Variants in MACO1 observed in about 807,000 individuals in gnomAD.
The protein encoded by MACO1 is macoilin.
Under a neutral mutation model 78.7 loss-of-function variants are expected in MACO1, and 14 were observed. The observed-to-expected ratio is 0.18, with a 90% confidence interval of 0.12 to 0.28. The LOEUF (loss-of-function observed/expected upper bound fraction) is 0.28. MACO1 is among the 10% of genes least tolerant of loss of function. The pLI, the probability that MACO1 is intolerant of heterozygous loss-of-function variation, is 1.00. For missense variants in MACO1, 501 were observed against 799.0 expected (o/e 0.63, Z 4.50); for synonymous variants, 288 against 291.6 (o/e 0.99, Z 0.12).
At chr1:25,455,845 T>C (rs973692068) in intron 4 of MACO1, among the ~76,000 whole-genome samples, 1 of 152,194 alleles carries the variant, frequency 6.6e-6, no homozygotes, top group South Asian at 2.1e-4. Context: ...AAGATTAAAT[T>C]AGTCACCTGA....
At chr1:25,431,734 T>G (rs1005403536) in intron 1 of MACO1, among the ~76,000 whole-genome samples, 1 of 152,098 alleles carries the variant, frequency 6.6e-6, no homozygotes, top group South Asian at 2.1e-4. Flanking sequence ...ACCTTCTGCT[T>G]CCCATATGGG....
At chr1:25,494,308 G>A (rs1203421805) in intron 10 of MACO1, among the ~76,000 whole-genome samples, 1 of 152,164 alleles carries the variant, frequency 6.6e-6, no homozygotes, top group Non-Finnish European at 1.5e-5. Flanking sequence ...TGAAGGAGGG[G>A]GCATTGAGTG....
chr1:25,487,140 T>G (rs1405066341), intron 8 of MACO1, among the ~76,000 whole-genome samples: 1 of 152,130 alleles, frequency 6.6e-6, no homozygotes, highest in Non-Finnish European at 1.5e-5. Flanking sequence ...AGTCCTTGTT[T>G]TTCATAACTT....
At chr1:25,480,811 A>G (rs1349555703) in intron 6 of MACO1, among the ~76,000 whole-genome samples, 1 of 150,710 alleles carries the variant, frequency 6.6e-6, no homozygotes, top group Non-Finnish European at 1.5e-5. Context: ...GGCACCTGTA[A>G]TCCCGGCTAC....
At chr1:25,439,670 GTT>G (rs772788430) in intron 1 of MACO1, among the ~76,000 whole-genome samples, 5 of 135,864 alleles carry the variant, frequency 3.7e-5, no homozygotes, top group Non-Finnish European at 3.2e-5. Flanking sequence ...ACAAATTTCT[GTT>G]TTTTTTTTTT....
intron 1 of MACO1, among the ~76,000 whole-genome samples, chr1:25,440,719 G>T (rs1216723034): frequency 4.2e-5 from 6 of 143,272 alleles, no homozygotes; most frequent in African/African-American, 1.3e-4. Flanking sequence ...AGTGAGCCAA[G>T]ATTGCGCCAT....
chr1:25,454,716 A>C (rs2043104723), intron 4 of MACO1, among the ~76,000 whole-genome samples: 1 of 151,772 alleles, frequency 6.6e-6, no homozygotes, highest in African/African-American at 2.4e-5. Flanking sequence ...TCCTGACCTC[A>C]AGTGATCCAC....
rs532613255 is a variant in MACO1 at position 25,434,811 on chromosome 1, T to C, written c.80+3633T>C. On this transcript the variant is annotated intron_variant, in intron 1 of 10. Transcript: ENST00000374343. ...GCTGGGTTCTCTCCTTGTGTCTGCC[T>C]AGACACATGTGCACCAGACACTCCC... Among the ~76,000 whole-genome samples, 22 of 152,302 alleles carry C rather than the reference T, an allele frequency of 1.4e-4. No individual in the cohort carries two copies. In the South Asian group the frequency reaches 4.6e-3, roughly 32 times the overall value.
At chr1:25,469,658 A>G (rs1411973251) in intron 6 of MACO1, among the ~76,000 whole-genome samples, 1 of 128,732 alleles carries the variant, frequency 7.8e-6, no homozygotes, top group Non-Finnish European at 1.6e-5. Flanking sequence ...TTTTTTTGAG[A>G]CAGAGTCCTG....
chr1:25,442,668 T>C (rs2042982534), intron 1 of MACO1, among the ~76,000 whole-genome samples: 1 of 151,742 alleles, frequency 6.6e-6, no homozygotes, highest in African/African-American at 2.4e-5. Context: ...GCTAAATGGA[T>C]TGAGGTAAAA....
chr1:25,492,516 G>C (rs1159597997), intron 10 of MACO1, among the ~76,000 whole-genome samples: 2 of 152,170 alleles, frequency 1.3e-5, no homozygotes, highest in South Asian at 2.1e-4. Flanking sequence ...AAGCCCGGCA[G>C]GGGGAGCGTG....
intron 3 of MACO1, among the ~76,000 whole-genome samples, chr1:25,450,567 T>TC (rs2043056694): frequency 6.6e-6 from 1 of 152,240 alleles, no homozygotes; most frequent in African/African-American, 2.4e-5. Context: ...GGACCAATAT[T>TC]CATCCTCTTC....
chr1:25,458,209 T>C (rs2043139538), intron 5 of MACO1, among the ~76,000 whole-genome samples, 182 bp from the exon 6 acceptor site: 1 of 152,232 alleles, frequency 6.6e-6, no homozygotes, highest in African/African-American at 2.4e-5. Context: ...TTTTCTTCTA[T>C]TTTTTCCTAC....
chr1:25,488,364 T>G (rs1278286900), intron 8 of MACO1, among the ~76,000 whole-genome samples: 1 of 152,008 alleles, frequency 6.6e-6, no homozygotes, highest in African/African-American at 2.4e-5. Context: ...TATTTTAGAG[T>G]ATTATTGAAA....
intron 6 of MACO1, among the ~76,000 whole-genome samples, chr1:25,476,642 A>G (rs1391662834): frequency 1.3e-5 from 2 of 152,236 alleles, no homozygotes; most frequent in African/African-American, 2.4e-5. Context: ...GCTTTGATTT[A>G]TGAGCTCAAC....
chr1:25,437,298 C>CTTTTTTTTTTT (rs1173305681), intron 1 of MACO1, among the ~76,000 whole-genome samples: 29 of 65,854 alleles, frequency 4.4e-4, no homozygotes, highest in Non-Finnish European at 5.3e-4. Flanking sequence ...CCATGCCTGG[C>CTTTTTTTTTTT]TTTTTTTTTT....
At chr1:25,477,978 G>T (rs2043337980) in intron 6 of MACO1, among the ~76,000 whole-genome samples, 1 of 152,218 alleles carries the variant, frequency 6.6e-6, no homozygotes, top group Admixed American at 6.5e-5. Context: ...GGGCGTGGTG[G>T]CTCAGGCCTG....
intron 9 of MACO1, among the ~76,000 whole-genome samples, chr1:25,489,613 A>G (rs2043466403): frequency 6.6e-6 from 1 of 151,896 alleles, no homozygotes; most frequent in African/African-American, 2.4e-5. Flanking sequence ...AAACTTACAC[A>G]CCTCCTTTTA....
intron 6 of MACO1, among the ~76,000 whole-genome samples, chr1:25,480,458 A>G (rs1036228908): frequency 2.0e-5 from 3 of 152,196 alleles, no homozygotes; most frequent in African/African-American, 7.2e-5. Flanking sequence ...TTTATTTTTT[A>G]AATAAACCTT....
Sources: allele counts gnomAD v4.1 joint callset (sites outside exome capture counted in the v4.1 genomes callset), GRCh38; gene constraint gnomAD v4.1.1; transcripts MANE v1.5; gene names NCBI Gene and HGNC (gene_info 2026-07-23, HGNC 2026-07-21).